The following CALB2 variants were observed in gnomAD, a reference collection of about 807,000 sequenced individuals.
CALB2 encodes calretinin.
In CALB2, 34 loss-of-function variants were observed where a neutral mutation model predicts 45.9. The observed-to-expected ratio is 0.74, with a 90% confidence interval of 0.56 to 0.99. CALB2 has a LOEUF of 0.99. CALB2 is among the 50% of genes least tolerant of loss of function. The pLI is 0.00. For missense variants in CALB2, 344 were observed against 339.3 expected (o/e 1.01, Z -0.11); for synonymous variants, 142 against 129.6 (o/e 1.10, Z -0.65).
At chr16:71,381,467 A>G (rs941130367) in intron 4 of CALB2, among the ~76,000 whole-genome samples, 9 of 152,184 alleles carry the variant, frequency 5.9e-5, no homozygotes, top group Non-Finnish European at 1.0e-4. Flanking sequence ...TGAAAATTAC[A>G]TAACATTGTT....
chr16:71,379,111 T>C (rs1041638416), intron 4 of CALB2, among the ~76,000 whole-genome samples: 1 of 152,008 alleles, frequency 6.6e-6, no homozygotes, highest in Admixed American at 6.6e-5. Flanking sequence ...ACCCCATCTT[T>C]ACTACAGATG....
chr16:71,368,680 T>G (rs898711571), intron 1 of CALB2, among the ~76,000 whole-genome samples: 7 of 152,146 alleles, frequency 4.6e-5, no homozygotes, highest in Non-Finnish European at 1.0e-4. Context: ...AGAAAAGGAT[T>G]CTACTCTGCC....
At chr16:71,366,091 AT>A (rs1404111214) in intron 1 of CALB2, among the ~76,000 whole-genome samples, 3 of 123,144 alleles carry the variant, frequency 2.4e-5, no homozygotes, top group African/African-American at 9.8e-5. Flanking sequence ...CAGTGGCAGG[AT>A]CTTGGCTCAC....
intron 1 of CALB2, among the ~76,000 whole-genome samples, chr16:71,359,891 C>G (rs1034850789): frequency 6.6e-6 from 1 of 152,270 alleles, no homozygotes; most frequent in African/African-American, 2.4e-5. Flanking sequence ...TGTAGCTACC[C>G]TCCCCTCGGG....
intron 1 of CALB2, among the ~76,000 whole-genome samples, chr16:71,361,422 G>A (rs1477733823): frequency 6.6e-6 from 1 of 152,196 alleles, no homozygotes; most frequent in African/African-American, 2.4e-5. Flanking sequence ...GGCACTCCCA[G>A]CCCTGTTTAG....
intron 1 of CALB2, 22 bp downstream of exon 1, chr16:71,358,908 T>C: frequency 6.2e-7 from 1 of 1,604,236 alleles, no homozygotes; most frequent in South Asian, 1.1e-5. Flanking sequence ...TCCCAACTTC[T>C]GTGCCCATTG....
At chr16:71,372,271 C>T (rs751624331) in intron 2 of CALB2, 42 bp downstream of exon 2, 1 of 1,455,810 alleles carries the variant, frequency 6.9e-7, no homozygotes, top group Admixed American at 1.8e-5. Flanking sequence ...ATTTTCCTGA[C>T]CTATGCCTTT....
chr16:71,383,866 G>A (rs1341358138), intron 6 of CALB2, 104 bp from the exon 7 acceptor site: 21 of 1,325,232 alleles, frequency 1.6e-5, no homozygotes, highest in Non-Finnish European at 2.1e-5. Flanking sequence ...GAGGAAGCAT[G>A]AGCACGTGTC....
At chr16:71,383,760 G>C (rs1237928257) in intron 6 of CALB2, among the ~76,000 whole-genome samples, 5 of 152,122 alleles carry the variant, frequency 3.3e-5, no homozygotes, top group Admixed American at 3.3e-4. Context: ...TCCCTGAGGA[G>C]GGGAGAGAGG....
chr16:71,382,139 A>AGAAGGAAGGAAGGAAAAG (rs1555526538), intron 4 of CALB2, among the ~76,000 whole-genome samples: 250 of 64,610 alleles, frequency 3.9e-3, no homozygotes, highest in Middle Eastern at 7.9e-3. Flanking sequence ...AAGGAAGGAA[A>AGAAGGAAGGAAGGAAAAG]GAAGGAAGGA....
At chr16:71,388,309 G>T (rs1244532570) in intron 10 of CALB2, among the ~76,000 whole-genome samples, 1 of 144,316 alleles carries the variant, frequency 6.9e-6, no homozygotes, top group Non-Finnish European at 1.5e-5. Context: ...ATTCCAGCCT[G>T]GGTGACAAGA....
intron 2 of CALB2, among the ~76,000 whole-genome samples, chr16:71,373,519 C>A (rs2042376735): frequency 6.6e-6 from 1 of 152,192 alleles, no homozygotes; most frequent in African/African-American, 2.4e-5. Flanking sequence ...CATCTAGAAT[C>A]CTTCTCTTAG....
Position 71,379,033 on chromosome 16 carries a change from T to C in CALB2, c.342+1286T>C, listed in dbSNP as rs534689710. Reference sequence around the variant, plus strand: ...GCCCTATGCCTGTAATCCCAGCACTTTGGGAGGCCAAGGCAGGTGGATCAC... The same window carrying C: ...GCCCTATGCCTGTAATCCCAGCACTCTGGGAGGCCAAGGCAGGTGGATCAC... On this transcript the variant is annotated intron_variant, in intron 4 of 10. Coordinates refer to ENST00000302628, the MANE Select transcript of CALB2 (RefSeq NM_001740.5). Among the ~76,000 whole-genome samples, 10 of 152,232 alleles carry C rather than the reference T, an allele frequency of 6.6e-5. No individual in the cohort carries two copies. The South Asian group carries it at 1.9e-3, about 28-fold the overall frequency.
chr16:71,385,507 C>G (rs1024823379), intron 9 of CALB2, 70 bp from the exon 10 acceptor site: 26 of 1,376,616 alleles, frequency 1.9e-5, no homozygotes, highest in Non-Finnish European at 2.7e-5. Context: ...TCTTAGACAT[C>G]CCTGGAATGG....
At chr16:71,372,680 G>A (rs2042366640) in intron 2 of CALB2, among the ~76,000 whole-genome samples, 1 of 152,132 alleles carries the variant, frequency 6.6e-6, no homozygotes, top group South Asian at 2.1e-4. Context: ...TGCAGGGGCT[G>A]CCCTGTGCGC....
chr16:71,384,937 G>T, intron 9 of CALB2, 101 bp downstream of exon 9: 1 of 1,002,624 alleles, frequency 1.0e-6, no homozygotes. Flanking sequence ...TCCAGGGGTG[G>T]CCTGGGCCGT....
intron 1 of CALB2, among the ~76,000 whole-genome samples, chr16:71,365,158 T>G (rs1233502323): frequency 1.3e-5 from 2 of 152,208 alleles, no homozygotes; most frequent in Non-Finnish European, 2.9e-5. Context: ...GTTAGAGGAC[T>G]GTTTGCCTTC....
At chr16:71,378,718 G>A (rs985999262) in intron 4 of CALB2, among the ~76,000 whole-genome samples, 38 of 152,166 alleles carry the variant, frequency 2.5e-4, no homozygotes, top group African/African-American at 8.2e-4. Flanking sequence ...TCTCTCATGT[G>A]GGGATTTGTT....
At chr16:71,370,940 T>C (rs114455238) in intron 1 of CALB2, among the ~76,000 whole-genome samples, 2,953 of 152,276 alleles carry the variant, frequency 0.019, 100 homozygotes, top group African/African-American at 0.065. Context: ...TCACTACTTA[T>C]GTGATCTCGC....
Sources: allele counts gnomAD v4.1 joint callset (sites outside exome capture counted in the v4.1 genomes callset), GRCh38; gene constraint gnomAD v4.1.1; transcripts MANE v1.5; gene names NCBI Gene and HGNC (gene_info 2026-07-23, HGNC 2026-07-21).